Variants in KLHL5 observed in about 807,000 individuals in gnomAD.
The protein encoded by KLHL5 is kelch like family member 5.
KLHL5 carries 48 observed loss-of-function variants against 77.7 expected under a neutral mutation model. The observed-to-expected ratio is 0.62, with a 90% confidence interval of 0.49 to 0.79. KLHL5 has a LOEUF of 0.79. KLHL5 is among the 30% of genes least tolerant of loss of function. The probability of loss-of-function intolerance (pLI) is 0.00; values close to 1 mark genes in which losing one functional copy is unlikely to be tolerated. For synonymous variants in KLHL5, 260 were observed against 297.0 expected, an observed-to-expected ratio of 0.88 and a Z score of 1.28; for missense variants, 723 against 859.7, an observed-to-expected ratio of 0.84 and a Z score of 1.99.
chr4:39,126,556 C>A (rs1723556744), downstream of KLHL5: 1 of 354,482 alleles, frequency 2.8e-6, no homozygotes, highest in East Asian at 7.5e-5. Flanking sequence ...ATTATTTGGG[C>A]TAACGAGGTA....
downstream of KLHL5, chr4:39,126,804 A>G (rs1723571478): frequency 2.2e-6 from 1 of 445,444 alleles, no homozygotes; most frequent in African/African-American, 2.0e-5. Context: ...AGACTGCCCT[A>G]TTATCTAAAG....
chr4:39,115,429 T>C (rs776440447), intron 10 of KLHL5, 99 bp downstream of exon 10: 36 of 1,561,070 alleles, frequency 2.3e-5, no homozygotes, highest in Non-Finnish European at 2.6e-5. Context: ...TACTGAAATA[T>C]ATGGCATAAA....
chr4:39,099,568 T>G (rs1577715192), intron 6 of KLHL5, among the ~76,000 whole-genome samples: 1 of 152,308 alleles, frequency 6.6e-6, no homozygotes, highest in East Asian at 1.9e-4. Flanking sequence ...GCCAAACATT[T>G]TATCCATATC....
At chr4:39,080,519 G>A (rs1031785881) in intron 2 of KLHL5, among the ~76,000 whole-genome samples, 46 of 148,606 alleles carry the variant, frequency 3.1e-4, no homozygotes, top group African/African-American at 1.1e-3. Flanking sequence ...GAATGAGACT[G>A]TCTCAAAAAA....
rs1207784465 is a variant in KLHL5, at chr4:39,121,406, T to C, written c.*340T>C. On this transcript the variant is annotated 3_prime_UTR_variant, in exon 11 of 11. Coordinates refer to ENST00000504108, the MANE Select transcript of KLHL5 (RefSeq NM_015990.5). ...AGCACATCTTACTCACATCCAGATT[T>C]ATTTTCCTACAGTGCAAACACACCA... 1 of 239,802 alleles carries C rather than the reference T, an allele frequency of 4.2e-6. No homozygotes were observed. The highest frequency in any genetic ancestry group is 2.2e-5 in the African/African-American group (1 of 44,498). The allele number at this position is 239,802 out of a possible 1,614,324, so 14.9% of individuals were successfully genotyped here. A position where few individuals can be genotyped will look rare whatever the true frequency, so the allele number is the denominator to read the frequency against.
chr4:39,120,977 C>T (rs1242317187), intron 10 of KLHL5, 33 bp from the exon 11 acceptor site: 1 of 1,549,816 alleles, frequency 6.5e-7, no homozygotes, highest in Non-Finnish European at 8.9e-7. Context: ...TTTTAACCTA[C>T]AGATCCAATA....
chr4:39,050,550 TTTAATC>T (rs1215471100), intron 1 of KLHL5, among the ~76,000 whole-genome samples: 5 of 152,230 alleles, frequency 3.3e-5, no homozygotes, highest in Admixed American at 1.3e-4. Flanking sequence ...ACATGGATGT[TTTAATC>T]TAAGAGTTTA....
chr4:39,091,871 A>T (rs1373308843), intron 5 of KLHL5, among the ~76,000 whole-genome samples: 4 of 79,294 alleles, frequency 5.0e-5, no homozygotes, highest in Admixed American at 1.7e-4. Flanking sequence ...TTTTTTGTAG[A>T]GACAGCGTCT....
In KLHL5 at chr4:39,125,857, A is replaced by G. The variant is rs1331019160; in HGVS notation, c.*4791A>G. 1.3e-5 allele frequency among the ~76,000 whole-genome samples: 2 copies of G among 152,220 alleles called. No homozygotes were observed. The highest frequency in any genetic ancestry group is 2.9e-5 in the Non-Finnish European group (2 of 68,034). On this transcript the variant is annotated 3_prime_UTR_variant, in exon 11 of 11. Transcript: ENST00000504108. ...ACCATAATTTTTAAAAAGCTTTATT[A>G]GCTACATTATGTTATGATACTTAAA...
intron 5 of KLHL5, chr4:39,092,975 C>T: frequency 2.6e-6 from 1 of 389,830 alleles, no homozygotes; most frequent in South Asian, 1.9e-5. Flanking sequence ...CATAAATTTG[C>T]CATATGCCCC....
chr4:39,119,384 C>T (rs537114536), intron 10 of KLHL5, among the ~76,000 whole-genome samples: 4 of 152,180 alleles, frequency 2.6e-5, no homozygotes, highest in East Asian at 1.9e-4. Flanking sequence ...CTCAGGAGTT[C>T]GAGACAGCCT....
chr4:39,107,784 G>T, intron 8 of KLHL5, 53 bp downstream of exon 8: 1 of 1,335,004 alleles, frequency 7.5e-7, no homozygotes. Context: ...AATTTATTAA[G>T]CTATATCATT....
downstream of KLHL5, among the ~76,000 whole-genome samples, chr4:39,128,510 G>T (rs1723655778): frequency 6.6e-6 from 1 of 152,062 alleles, no homozygotes; most frequent in South Asian, 2.1e-4. Flanking sequence ...CCAATTTATT[G>T]TTTTTAAAAT....
chr4:39,080,556 T>C lies in KLHL5; in HGVS notation c.567-547T>C, dbSNP rs537598216. On this transcript the variant is annotated intron_variant, in intron 2 of 10. Transcript: ENST00000504108. ...AAAAAATTATAATTTAAATGTATTA[T>C]ATATGACCATTAAAAACTTAGAGAC... Among the ~76,000 whole-genome samples the C allele has an allele frequency of 2.8e-3, 432 of 151,650 alleles. 2 individuals are homozygous for C. The highest frequency in any genetic ancestry group is 9.7e-3 in the African/African-American group (402 of 41,336).
At chr4:39,080,286 G>A (rs1719489890) in intron 2 of KLHL5, among the ~76,000 whole-genome samples, 1 of 152,062 alleles carries the variant, frequency 6.6e-6, no homozygotes, top group Non-Finnish European at 1.5e-5. Context: ...TAGCTCTTTG[G>A]GAGGCTCAGG....
intron 2 of KLHL5, among the ~76,000 whole-genome samples, chr4:39,077,614 AC>A (rs1489846702): frequency 6.6e-6 from 1 of 151,988 alleles, no homozygotes; most frequent in Non-Finnish European, 1.5e-5. Context: ...AAAAGGGGAC[AC>A]TTTTACACTG....
intron 2 of KLHL5, among the ~76,000 whole-genome samples, chr4:39,076,684 AT>A (rs1306803959): frequency 6.6e-6 from 1 of 150,438 alleles, no homozygotes; most frequent in Non-Finnish European, 1.5e-5. Context: ...AGAATAATTC[AT>A]TTTTTTATAA....
Position 39,081,009 on chromosome 4 carries a change from T to G in KLHL5, c.567-94T>G, listed in dbSNP as rs1719565105. 2 of 1,268,312 alleles carry G rather than the reference T, an allele frequency of 1.6e-6. No homozygotes were observed. The highest frequency in any genetic ancestry group is 1.1e-6 in the Non-Finnish European group (1 of 907,426). 78.6% of individuals were successfully genotyped at this position (1,268,312 alleles called of 1,614,324 possible). On this transcript the variant is annotated intron_variant, in intron 2 of 10. Transcript: ENST00000504108. This position sits in a 1 kb window ranked among gnomAD's most constrained non-coding sequence, Gnocchi z 4.3. ...AAATGCATTTCCTAGTACCATGCAC[T>G]GTGAGTAACAAATAAAAAAGAAGCA...
At position 39,113,863 on chromosome 4, in the gene KLHL5, G is replaced by C. The variant is rs889736919; in HGVS notation, c.1901+631G>C. Among the ~76,000 whole-genome samples, 10 of 152,254 alleles carry C rather than the reference G, an allele frequency of 6.6e-5. No homozygotes were observed. The South Asian group carries it at 1.2e-3, about 19-fold the overall frequency. On this transcript the variant is annotated intron_variant, in intron 9 of 10. Transcript: ENST00000504108. ...TGGGGAGGGAAAGGCAGGAAAGGAGGCGGAGTGGGCAGGGTGGTGCAGATC... is the reference window on the plus strand; with the variant it reads ...TGGGGAGGGAAAGGCAGGAAAGGAGCCGGAGTGGGCAGGGTGGTGCAGATC...
Sources: gnomAD v4.1 joint callset for allele counts (sites outside exome capture counted in the v4.1 genomes callset) on GRCh38, gnomAD v4.1.1 for gene constraint, Gnocchi (gnomAD v3.1) non-coding constraint, MANE v1.5 for transcripts, NCBI Gene and HGNC (gene_info 2026-07-23, HGNC 2026-07-21) for gene names.